BLTP1: variants seen among roughly 807,000 people sequenced by gnomAD.
BLTP1 encodes the protein bridge-like lipid transfer protein family member 1, also known as fragile site-associated protein.
At chr4:122,209,093 G>C in the BLTP1 span, 2 of 1,399,826 alleles carry the variant, frequency 1.4e-6, no homozygotes, top group Non-Finnish European at 1.8e-6. Context: ...AGGTTTGCCC[G>C]TAAGTATTAA....
the BLTP1 span, among the ~76,000 whole-genome samples, chr4:122,219,932 AC>A: frequency 6.6e-6 from 1 of 152,064 alleles, no homozygotes; most frequent in Non-Finnish European, 1.5e-5. Context: ...CTTATGGTGG[AC>A]CTGTTATAAA....
the BLTP1 span, chr4:122,205,999 C>T: frequency 2.0e-6 from 2 of 984,450 alleles, no homozygotes; most frequent in Non-Finnish European, 1.2e-6. Context: ...TAGATCAGTG[C>T]TAATGTCTTT....
chr4:122,185,509 A>T, the BLTP1 span: 1 of 790,350 alleles, frequency 1.3e-6, no homozygotes, highest in Non-Finnish European at 1.5e-6. Context: ...TTTCTACTTA[A>T]TGTAATTATG....
the BLTP1 span, chr4:122,235,387 A>G: frequency 1.0e-6 from 1 of 983,550 alleles, no homozygotes; most frequent in Non-Finnish European, 1.2e-6. Flanking sequence ...GCTTGCTTTT[A>G]TAGGATAACT....
chr4:122,170,606 A>T, the BLTP1 span: 2 of 1,501,748 alleles, frequency 1.3e-6, no homozygotes, highest in African/African-American at 1.5e-5. Context: ...AACCTTTGAA[A>T]TCTTTTAGGC....
the BLTP1 span, chr4:122,254,491 G>T: frequency 1.5e-6 from 2 of 1,311,262 alleles, no homozygotes; most frequent in South Asian, 3.6e-5. Flanking sequence ...TACTTCATAT[G>T]TTCTGTAGAC....
chr4:122,257,797 G>T, the BLTP1 span, among the ~76,000 whole-genome samples: 2 of 152,046 alleles, frequency 1.3e-5, no homozygotes, highest in Non-Finnish European at 2.9e-5. Context: ...GATTTTTATT[G>T]GCCAAGTAAG....
chr4:122,349,618 T>C, the BLTP1 span: 1 of 1,605,570 alleles, frequency 6.2e-7, no homozygotes, highest in African/African-American at 1.3e-5. This position sits in a 1 kb window ranked among gnomAD's most constrained non-coding sequence, Gnocchi z 4.5. Context: ...TATAATACAT[T>C]GGATTCAAGC....
the BLTP1 span, among the ~76,000 whole-genome samples, chr4:122,270,083 TTC>T: frequency 3.9e-5 from 6 of 152,120 alleles, no homozygotes; most frequent in Non-Finnish European, 8.8e-5. Flanking sequence ...AATCAAGTTT[TTC>T]CATCTCTGAC....
chr4:122,275,859 T>C, the BLTP1 span: 5 of 1,212,926 alleles, frequency 4.1e-6, no homozygotes, highest in Non-Finnish European at 5.3e-6. Context: ...ATTTTAAGAG[T>C]GGGAAATTAG....
chr4:122,285,334 C>T, the BLTP1 span, among the ~76,000 whole-genome samples: 4 of 152,024 alleles, frequency 2.6e-5, no homozygotes, highest in Admixed American at 1.3e-4. Flanking sequence ...TCAATCTTGG[C>T]GTTTTTATTT....
At chr4:122,197,257 T>G in the BLTP1 span, 5 of 1,482,334 alleles carry the variant, frequency 3.4e-6, no homozygotes, top group Non-Finnish European at 4.5e-6. Flanking sequence ...AATATTCCAA[T>G]GACAGTTGAA....
At chr4:122,236,892 C>A in the BLTP1 span, 1 of 983,810 alleles carries the variant, frequency 1.0e-6, no homozygotes, top group East Asian at 1.1e-4. Context: ...TACATACGTA[C>A]CTGAGTTTCT....
the BLTP1 span, chr4:122,347,506 G>T: frequency 3.8e-6 from 6 of 1,593,472 alleles, no homozygotes; most frequent in Admixed American, 3.6e-5. Context: ...TGTTTGTTTT[G>T]TTTGTTTTCT....
chr4:122,191,986 A>C, the BLTP1 span, among the ~76,000 whole-genome samples: 1 of 152,110 alleles, frequency 6.6e-6, no homozygotes, highest in African/African-American at 2.4e-5. Context: ...ATTACATTAA[A>C]TATTTTATGT....
chr4:122,171,113 CTA>C, the BLTP1 span, among the ~76,000 whole-genome samples: 5 of 152,110 alleles, frequency 3.3e-5, no homozygotes, highest in Non-Finnish European at 5.9e-5. Flanking sequence ...AAAAATAATT[CTA>C]TTTTTATAGT....
At chr4:122,244,117 A>C in the BLTP1 span, 1 of 1,335,832 alleles carries the variant, frequency 7.5e-7, no homozygotes, top group Admixed American at 2.8e-5. Flanking sequence ...CGTGTAGAAG[A>C]TTGTTGATAG....
chr4:122,256,207 C>T, the BLTP1 span: 1 of 977,170 alleles, frequency 1.0e-6, no homozygotes. Context: ...AGCCATTGTT[C>T]AGGCAAGTCA....
chr4:122,186,247 T>G, the BLTP1 span: 1 of 1,580,126 alleles, frequency 6.3e-7, no homozygotes, highest in African/African-American at 1.4e-5. Context: ...TTGAATTTTA[T>G]TAAACTCTAG....
Sources: allele counts gnomAD v4.1 joint callset (sites outside exome capture counted in the v4.1 genomes callset), GRCh38; gene constraint gnomAD v4.1.1; non-coding constraint Gnocchi (gnomAD v3.1); transcripts MANE v1.5; gene names NCBI Gene and HGNC (gene_info 2026-07-23, HGNC 2026-07-21).